Variants in PLEKHG5 observed in about 807,000 individuals in gnomAD.
The protein encoded by PLEKHG5 is pleckstrin homology domain-containing family G member 5.
PLEKHG5 carries 52 observed loss-of-function variants against 103.8 expected under a neutral mutation model. The ratio of observed to expected loss-of-function variants is 0.50; its 90% CI spans 0.40 to 0.63. PLEKHG5 has a LOEUF of 0.63. Ranked by LOEUF, PLEKHG5 falls within the 30% of genes least tolerant of loss-of-function variation. The pLI is 0.00. For missense variants in PLEKHG5, 1,205 were observed against 1,347.6 expected (o/e 0.89, Z 1.66); for synonymous variants, 592 against 575.5 (o/e 1.03, Z -0.41).
At chr1:6,512,328 C>G (rs766288627) in intron 1 of PLEKHG5, among the ~76,000 whole-genome samples, 1 of 152,202 alleles carries the variant, frequency 6.6e-6, no homozygotes, top group Non-Finnish European at 1.5e-5. Flanking sequence ...CCTGAGGCCA[C>G]GTGAGCTCAA....
chr1:6,472,432 G>A (rs1348204354), intron 10 of PLEKHG5, 95 bp downstream of exon 10: 13 of 905,860 alleles, frequency 1.4e-5, no homozygotes, highest in Non-Finnish European at 2.3e-5. Context: ...TCATTGCCAG[G>A]CACCTGCTCC....
chr1:6,472,949 G>T, intron 9 of PLEKHG5, 37 bp downstream of exon 9: 1 of 1,593,750 alleles, frequency 6.3e-7, no homozygotes, highest in Non-Finnish European at 8.6e-7. Context: ...TCCTCCTTTC[G>T]GGACAAGGAG....
upstream of PLEKHG5, among the ~76,000 whole-genome samples, chr1:6,492,879 C>G (rs1447743448): frequency 6.6e-6 from 1 of 152,050 alleles, no homozygotes. Context: ...TGCAGGTGCT[C>G]CTAGTGCAGC....
At chr1:6,476,715 T>C (rs1433424245) in intron 2 of PLEKHG5, among the ~76,000 whole-genome samples, 1 of 152,210 alleles carries the variant, frequency 6.6e-6, no homozygotes, top group African/African-American at 2.4e-5. Flanking sequence ...TGACCACACC[T>C]GAATTCCCAA....
At chr1:6,483,875 C>G (rs556032255) in intron 1 of PLEKHG5, among the ~76,000 whole-genome samples, 4 of 152,214 alleles carry the variant, frequency 2.6e-5, no homozygotes, top group Non-Finnish European at 4.4e-5. Flanking sequence ...CCCCCGTCTG[C>G]GGGCTCCGCA....
At chr1:6,480,769 G>A (rs933534965) in intron 1 of PLEKHG5, among the ~76,000 whole-genome samples, 9 of 151,148 alleles carry the variant, frequency 6.0e-5, no homozygotes, top group African/African-American at 2.2e-4. Context: ...CTGCCTCACC[G>A]TCCCAAGTAG....
chr1:6,495,825 G>A (rs1217352980), upstream of PLEKHG5, among the ~76,000 whole-genome samples: 2 of 152,222 alleles, frequency 1.3e-5, no homozygotes, highest in Admixed American at 6.5e-5. Flanking sequence ...ACGGGGTGAC[G>A]ATGCCTTCCC....
chr1:6,485,932 T>C, intron 1 of PLEKHG5: 1 of 984,988 alleles, frequency 1.0e-6, no homozygotes, highest in Non-Finnish European at 1.2e-6. Flanking sequence ...TTGCTCTTTC[T>C]CCTGGGGAGC....
rs761945225 is a variant in PLEKHG5 at position 6,469,140 on chromosome 1, C to G, written c.2151G>C (p.Glu717Asp). Residue 717 changes from glutamate to aspartate, a missense_variant, in exon 19 of 21, where the codon GAG becomes GAC. Glu to Asp is a conservative substitution (Grantham distance 45). Coordinates refer to ENST00000377728, the MANE Select transcript of PLEKHG5 (RefSeq NM_020631.6). ...EEDEQEEEEEEEEEEEEGEDS... is the reference protein window; with the variant it reads ...EEDEQEEEEEDEEEEEEGEDS... ...CCTCGCCTTCCTCCTCCTCCTCCTC[C>G]TCCTCCTCTTCCTCCTCCTGCTCAT... 7 of 1,612,506 alleles carry G rather than the reference C, an allele frequency of 4.3e-6. No homozygotes were observed. Among genetic ancestry groups the G allele is most frequent in the Admixed American group, 3.3e-5 (2 of 60,004 alleles).
intron 1 of PLEKHG5, among the ~76,000 whole-genome samples, chr1:6,502,595 G>GC (rs1011333532): frequency 3.3e-5 from 5 of 152,248 alleles, no homozygotes; most frequent in African/African-American, 1.2e-4. Context: ...CTGCCCATCT[G>GC]CCCCCCGTGG....
upstream of PLEKHG5, among the ~76,000 whole-genome samples, chr1:6,495,677 G>A (rs1020887750): frequency 3.3e-5 from 5 of 152,172 alleles, no homozygotes; most frequent in Admixed American, 6.5e-5. Flanking sequence ...GCTAAGTTGC[G>A]CAGTTGTCAC....
At position 6,475,532 on chromosome 1, in the gene PLEKHG5, A is replaced by G. The variant is rs1280475171; in HGVS notation, c.150-10T>C. ...TGTGCTCTTCCGGTCCCTGCAGGGA[A>G]GCGAGGAGGGCAGAGGCTGGAGGTG... On this transcript the variant is annotated splice_polypyrimidine_tract_variant and intron_variant, in intron 3 of 20. Coordinates refer to ENST00000377728, the MANE Select transcript of PLEKHG5 (RefSeq NM_020631.6). The G allele has an allele frequency of 6.2e-7, 1 of 1,612,632 alleles. No individual in the cohort carries two copies. Among genetic ancestry groups the G allele is most frequent in the Non-Finnish European group, 8.5e-7 (1 of 1,179,448 alleles).
At chr1:6,468,660 G>A in intron 19 of PLEKHG5, 74 bp from the exon 20 acceptor site, 1 of 1,532,846 alleles carries the variant, frequency 6.5e-7, no homozygotes, top group Non-Finnish European at 9.0e-7. Flanking sequence ...GCTGGGCAAT[G>A]CACGGTGGTT....
At chr1:6,469,472 C>A (rs1319443700) in intron 17 of PLEKHG5, 22 bp from the exon 18 acceptor site, 1 of 1,613,514 alleles carries the variant, frequency 6.2e-7, no homozygotes, top group Non-Finnish European at 8.5e-7. Flanking sequence ...AGGCCCAAGT[C>A]AGTGTCAGCA....
intron 1 of PLEKHG5, among the ~76,000 whole-genome samples, chr1:6,479,447 C>T (rs1024036064): frequency 5.9e-5 from 9 of 152,034 alleles, no homozygotes; most frequent in South Asian, 2.1e-4. Flanking sequence ...CCACCACGCC[C>T]GGCTAATTTT....
rs527783585 is a variant in PLEKHG5, at chr1:6,508,528, C to G, written c.-165+10917G>C. On this transcript the variant is annotated intron_variant, in intron 1 of 21. Coordinates refer to the PLEKHG5 transcript ENST00000377740. The stretch of plus-strand genomic sequence containing the variant: ...CAGTGAAGCGGACCCCCACAGTGCT[C>G]GAGGGTGCAGCGCCAGCCCCTCTCT... 7.8e-4 allele frequency among the ~76,000 whole-genome samples: 119 copies of G among 152,304 alleles called. No homozygotes were observed. The South Asian group carries it at 0.011, about 14-fold the overall frequency.
upstream of PLEKHG5, among the ~76,000 whole-genome samples, chr1:6,494,072 C>A (rs1645187546): frequency 1.3e-5 from 2 of 152,028 alleles, no homozygotes; most frequent in South Asian, 4.2e-4. Flanking sequence ...CCACCTCACC[C>A]TCCCCAGTAG....
intron 2 of PLEKHG5, 41 bp from the exon 3 acceptor site, chr1:6,476,077 T>G (rs1644759187): frequency 2.6e-6 from 4 of 1,550,848 alleles, no homozygotes; most frequent in Non-Finnish European, 2.7e-6. Context: ...CCCCCGCCCC[T>G]CCTTAGCCTG....
intron 2 of PLEKHG5, 71 bp from the exon 3 acceptor site, chr1:6,476,107 G>A: frequency 7.5e-7 from 1 of 1,326,642 alleles, no homozygotes; most frequent in South Asian, 1.2e-5. Flanking sequence ...TGCCTCCAGA[G>A]GGACCACAGC....
Sources: allele counts gnomAD v4.1 joint callset (sites outside exome capture counted in the v4.1 genomes callset), GRCh38; gene constraint gnomAD v4.1.1; transcripts MANE v1.5; gene names NCBI Gene and HGNC (gene_info 2026-07-23, HGNC 2026-07-21).